TMEM135: variants seen among roughly 807,000 people sequenced by gnomAD.
TMEM135 encodes peroxisomal membrane protein 52.
TMEM135 carries 30 observed loss-of-function variants against 60.3 expected under a neutral mutation model. That is an observed-to-expected ratio of 0.50 (90% confidence interval 0.37 to 0.68). The LOEUF is 0.68. Among genes scored for constraint, TMEM135 ranks in the 30% least tolerant of loss-of-function variants. The pLI is 0.00. For synonymous variants in TMEM135, 190 were observed against 186.7 expected (o/e 1.02, Z -0.14); for missense variants, 468 against 548.8 (o/e 0.85, Z 1.47).
At chr11:87,261,115 G>A (rs10444377) in intron 6 of TMEM135, among the ~76,000 whole-genome samples, 53,736 of 151,996 alleles carry the variant, frequency 0.35, 10,051 homozygotes, top group Non-Finnish European at 0.42. Context: ...GAGTCAAGAC[G>A]TTTTTCTCAA....
Position 87,325,782 on chromosome 11 carries a change from C to G in TMEM135, c.*4449C>G, listed in dbSNP as rs890349725. 8.8e-6 allele frequency: 4 copies of G among 453,902 alleles called. No individual in the cohort carries two copies. The highest frequency in any genetic ancestry group is 1.8e-5 in the Non-Finnish European group (4 of 226,766). The allele number at this position is 453,902 out of a possible 1,614,324, so 28.1% of individuals were successfully genotyped here. On this transcript the variant is annotated 3_prime_UTR_variant, in exon 15 of 15. Transcript: ENST00000305494. The stretch of plus-strand genomic sequence containing the variant: ...CACAGATATGGAAGGAGATGTTTCT[C>G]TGTATGTGAAGCCTTTAAATCCAGA...
At chr11:87,180,916 A>G (rs953071633) in intron 5 of TMEM135, among the ~76,000 whole-genome samples, 5 of 152,230 alleles carry the variant, frequency 3.3e-5, no homozygotes, top group African/African-American at 1.2e-4. Context: ...CTCCAACATT[A>G]TTGGACATAA....
At chr11:87,181,559 A>G (rs984087835) in intron 5 of TMEM135, among the ~76,000 whole-genome samples, 1 of 152,176 alleles carries the variant, frequency 6.6e-6, no homozygotes, top group South Asian at 2.1e-4. Flanking sequence ...GGAGACCCAG[A>G]TCAGTGTTTG....
At position 87,156,839 on chromosome 11, in the gene TMEM135, T is replaced by G. The variant is rs554819152; in HGVS notation, c.397-502T>G. On this transcript the variant is annotated intron_variant, in intron 4 of 14. Transcript: ENST00000305494. Reference sequence around the variant, plus strand: ...TTGAATTTAAATGCTACATTTGAACTTAATTTTTGTTCATTAAACTAAGGT... The same window carrying G: ...TTGAATTTAAATGCTACATTTGAACGTAATTTTTGTTCATTAAACTAAGGT... Among the ~76,000 whole-genome samples, 53 of 152,336 alleles carry G rather than the reference T, an allele frequency of 3.5e-4. 1 individual carries two copies. Among genetic ancestry groups the G allele is most frequent in the African/African-American group, 1.2e-3 (48 of 41,576 alleles).
chr11:87,277,333 GT>G, intron 6 of TMEM135: 1 of 360,740 alleles, frequency 2.8e-6, no homozygotes, highest in Non-Finnish European at 5.6e-6. Flanking sequence ...GTTTCACCAT[GT>G]TAGCCAGGCT....
chr11:87,152,933 G>A (rs762047812), intron 4 of TMEM135, among the ~76,000 whole-genome samples: 3 of 152,030 alleles, frequency 2.0e-5, no homozygotes, highest in Admixed American at 6.6e-5. Context: ...TCTGAGGTCC[G>A]GTTCCATAAT....
chr11:87,270,062 T>C (rs1185358646), intron 6 of TMEM135, among the ~76,000 whole-genome samples: 1 of 137,582 alleles, frequency 7.3e-6, no homozygotes, highest in Non-Finnish European at 1.7e-5. Context: ...TGGTATCTCA[T>C]TGTGGTTTTG....
intron 5 of TMEM135, among the ~76,000 whole-genome samples, chr11:87,198,123 T>C (rs1940001947): frequency 6.6e-6 from 1 of 152,172 alleles, no homozygotes; most frequent in South Asian, 2.1e-4. Flanking sequence ...ATATACATAA[T>C]ACTGTTGCTA....
At chr11:87,179,236 G>T (rs1939456270) in intron 5 of TMEM135, among the ~76,000 whole-genome samples, 1 of 151,788 alleles carries the variant, frequency 6.6e-6, no homozygotes, top group Non-Finnish European at 1.5e-5. Context: ...TTACTGAATT[G>T]CAGGAGGTGA....
intron 5 of TMEM135, among the ~76,000 whole-genome samples, chr11:87,228,036 C>G (rs984996981): frequency 4.6e-5 from 7 of 152,100 alleles, no homozygotes; most frequent in Non-Finnish European, 1.0e-4. Context: ...ACAAACAACA[C>G]CAAAACCATT....
intron 5 of TMEM135, chr11:87,178,648 A>C (rs971850814): frequency 8.0e-6 from 3 of 374,454 alleles, no homozygotes; most frequent in Non-Finnish European, 1.6e-5. Flanking sequence ...TAAGTCTTGA[A>C]CTCCTGACCT....
chr11:87,325,414 A>C lies in TMEM135; in HGVS notation c.*4081A>C. ...GTGTGCTATTTTACACACAGAAGAA[A>C]ATGATTGACTTTTGGTTGGAGGAAA... On this transcript the variant is annotated 3_prime_UTR_variant, in exon 15 of 15. Transcript: ENST00000305494. 2.2e-6 allele frequency: 1 copy of C among 454,022 alleles called. No individual in the cohort carries two copies. The highest frequency in any genetic ancestry group is 1.6e-5 in the South Asian group (1 of 64,464). The allele number at this position is 454,022 out of a possible 1,614,324, so 28.1% of individuals were successfully genotyped here.
chr11:87,191,982 C>CTT (rs767550753), intron 5 of TMEM135, among the ~76,000 whole-genome samples: 4,008 of 92,464 alleles, frequency 0.043, 193 homozygotes, highest in African/African-American at 0.062. Flanking sequence ...CTTTTCTTTT[C>CTT]TTTTCTTTTT....
chr11:87,157,886 A>G (rs986179759), intron 5 of TMEM135: 1 of 155,794 alleles, frequency 6.4e-6, no homozygotes. Flanking sequence ...GACTTTTTAA[A>G]ATGCTCCTGT....
chr11:87,093,322 C>T (rs1446498303), intron 4 of TMEM135, among the ~76,000 whole-genome samples: 3 of 152,072 alleles, frequency 2.0e-5, no homozygotes, highest in Admixed American at 6.6e-5. Context: ...AAGCAATCCT[C>T]CTACCTCACC....
intron 4 of TMEM135, among the ~76,000 whole-genome samples, chr11:87,108,034 G>A (rs1157927602): frequency 6.6e-6 from 1 of 152,174 alleles, no homozygotes; most frequent in Non-Finnish European, 1.5e-5. Flanking sequence ...ATTTTTTCAT[G>A]TGTCTTTTGG....
intron 3 of TMEM135, among the ~76,000 whole-genome samples, chr11:87,088,531 C>T (rs183418907): frequency 3.9e-5 from 6 of 152,242 alleles, no homozygotes; most frequent in East Asian, 1.9e-4. Flanking sequence ...GAAAAACTTC[C>T]GTGACTCTGA....
chr11:87,176,295 G>A (rs928985379), intron 5 of TMEM135, among the ~76,000 whole-genome samples: 1 of 152,112 alleles, frequency 6.6e-6, no homozygotes, highest in Non-Finnish European at 1.5e-5. Flanking sequence ...CCCATGTGAT[G>A]TCTTCACATG....
chr11:87,101,719 A>G (rs565776987), intron 4 of TMEM135, among the ~76,000 whole-genome samples: 33 of 152,312 alleles, frequency 2.2e-4, no homozygotes, highest in Non-Finnish European at 5.9e-5. Flanking sequence ...TCACGCCTAT[A>G]ATCCCAGCAC....
Sources: gnomAD v4.1 joint callset for allele counts (sites outside exome capture counted in the v4.1 genomes callset) on GRCh38, gnomAD v4.1.1 for gene constraint, MANE v1.5 for transcripts, NCBI Gene and HGNC (gene_info 2026-07-23, HGNC 2026-07-21) for gene names.